Variants in C11orf65 observed in about 807,000 individuals in gnomAD.
C11orf65 encodes the protein chromosome 11 open reading frame 65.
In C11orf65, 38 loss-of-function variants were observed where a neutral mutation model predicts 35.3. The ratio of observed to expected loss-of-function variants is 1.08; its 90% CI spans 0.83 to 1.41. The LOEUF (loss-of-function observed/expected upper bound fraction) is 1.41, where lower values mean the gene tolerates loss of function less well. Among genes scored for constraint, C11orf65 ranks in the 40% most tolerant of loss-of-function variants. C11orf65 has a pLI of 0.00. For missense variants in C11orf65, 370 were observed against 367.1 expected (o/e 1.01, Z -0.06); for synonymous variants, 105 against 114.4 (o/e 0.92, Z 0.53).
rs56887719 is a variant in C11orf65, at chr11:108,353,814, C to G, written c.227-18522G>C. 6.2e-7 allele frequency: 1 copy of G among 1,614,042 alleles called. No individual in the cohort carries two copies. Among genetic ancestry groups the G allele is most frequent in the Non-Finnish European group, 8.5e-7 (1 of 1,179,996 alleles). ...ATCCTTCCTACTCCTGAGACAGTTC[C>G]TTTTAGACTCACCAGAGATATTGTG... On this transcript the variant is annotated intron_variant, in intron 2 of 3. Transcript: ENST00000524755.
chr11:108,350,149 G>A (rs1314186980), intron 2 of C11orf65, among the ~76,000 whole-genome samples: 1 of 152,126 alleles, frequency 6.6e-6, no homozygotes, highest in East Asian at 1.9e-4. Flanking sequence ...CAGTTTAAGG[G>A]GCACTTTCAA....
chr11:108,387,029 C>G (rs1221093986), intron 7 of C11orf65, among the ~76,000 whole-genome samples: 2 of 150,474 alleles, frequency 1.3e-5, no homozygotes, highest in Non-Finnish European at 2.9e-5. Flanking sequence ...TTGCAGTGAA[C>G]TGAGATGGTG....
chr11:108,384,695 C>A (rs2091948624), intron 8 of C11orf65, among the ~76,000 whole-genome samples: 1 of 152,072 alleles, frequency 6.6e-6, no homozygotes, highest in Non-Finnish European at 1.5e-5. Context: ...ATTGCTTGAG[C>A]CTGGGAGGCA....
intron 2 of C11orf65, chr11:108,335,824 T>C: frequency 6.3e-7 from 1 of 1,585,950 alleles, no homozygotes. Flanking sequence ...ACTTGTTTAT[T>C]CATGCTTAAT....
chr11:108,346,023 G>C, intron 2 of C11orf65: 3 of 1,235,884 alleles, frequency 2.4e-6, no homozygotes, highest in South Asian at 2.5e-5. Flanking sequence ...TAGTGATGAT[G>C]TGGTTAGTAA....
At chr11:108,439,004 TAA>T (rs1053307457) in intron 2 of C11orf65, among the ~76,000 whole-genome samples, 1 of 144,622 alleles carries the variant, frequency 6.9e-6, no homozygotes. Context: ...AGACTCCATC[TAA>T]AAAAAAAAAA....
intron 3 of C11orf65, among the ~76,000 whole-genome samples, chr11:108,429,100 T>C (rs1451416330): frequency 1.3e-5 from 2 of 151,958 alleles, no homozygotes; most frequent in African/African-American, 2.4e-5. Flanking sequence ...TGAACTGTGA[T>C]CACACCACTA....
At chr11:108,425,582 G>A (rs1045492443) in intron 3 of C11orf65, among the ~76,000 whole-genome samples, 2 of 152,148 alleles carry the variant, frequency 1.3e-5, no homozygotes, top group African/African-American at 4.8e-5. Context: ...AGAGGAGCTG[G>A]TACCATTCCT....
chr11:108,353,763 T>G lies in C11orf65; in HGVS notation c.227-18471A>C, dbSNP rs1060501550. The G allele has an allele frequency of 4.4e-6, 7 of 1,595,582 alleles. No individual in the cohort carries two copies. Among genetic ancestry groups the G allele is most frequent in the Non-Finnish European group, 6.0e-6 (7 of 1,163,126 alleles). On this transcript the variant is annotated intron_variant, in intron 2 of 3. Coordinates refer to the C11orf65 transcript ENST00000524755. ...CCTAACTTCACTGTATTCTTTACTT[T>G]AGGTGTTGCTTTTGAACAGGGCAAA... is the stretch of plus-strand genomic sequence containing the variant.
chr11:108,331,610 T>G (rs1220106242), intron 3 of C11orf65: 2 of 1,417,876 alleles, frequency 1.4e-6, no homozygotes, highest in African/African-American at 2.9e-5. Flanking sequence ...CTATTATTAC[T>G]ATATATTATA....
In C11orf65 at chr11:108,375,095, T is replaced by C. The variant is rs1206350829; in HGVS notation, c.226+18113A>G. On this transcript the variant is annotated intron_variant, in intron 2 of 3. Transcript: ENST00000524755. ...ATTATCCAGGAGAACTTCCCCAATC[T>C]AGCAAGGCAGGCCAACGTTCAGGTT... is the stretch of plus-strand genomic sequence containing the variant. Among the ~76,000 whole-genome samples the C allele has an allele frequency of 3.3e-5, 5 of 152,092 alleles. No individual in the cohort carries two copies. The South Asian group carries it at 6.2e-4, about 19-fold the overall frequency.
At chr11:108,337,628 T>C (rs2086996109) in intron 2 of C11orf65, among the ~76,000 whole-genome samples, 1 of 152,226 alleles carries the variant, frequency 6.6e-6, no homozygotes, top group Non-Finnish European at 1.5e-5. Context: ...ACCAGTCTAC[T>C]TGTTCTACCA....
intron 7 of C11orf65, among the ~76,000 whole-genome samples, chr11:108,386,227 C>G (rs1396767027): frequency 6.6e-6 from 1 of 152,180 alleles, no homozygotes; most frequent in Non-Finnish European, 1.5e-5. Flanking sequence ...TCACCTCCCT[C>G]TAGCATGCCC....
intron 7 of C11orf65, among the ~76,000 whole-genome samples, chr11:108,387,062 A>T (rs1388275241): frequency 2.0e-5 from 3 of 151,262 alleles, no homozygotes; most frequent in Non-Finnish European, 2.9e-5. Flanking sequence ...AGCTTGGGTG[A>T]CAGAGCGAGA....
chr11:108,428,020 C>G (rs1565682974), intron 3 of C11orf65, among the ~76,000 whole-genome samples: 6 of 148,712 alleles, frequency 4.0e-5, no homozygotes, highest in Non-Finnish European at 1.5e-5. Context: ...TTAGTAGAGA[C>G]GGGTTTCACC....
chr11:108,444,198 G>A (rs1363183020), intron 2 of C11orf65, among the ~76,000 whole-genome samples: 4 of 152,072 alleles, frequency 2.6e-5, no homozygotes, highest in South Asian at 2.1e-4. Flanking sequence ...ACACCTCTAC[G>A]CAAATAAACT....
intron 6 of C11orf65, chr11:108,315,687 A>G (rs764834993): frequency 4.2e-6 from 3 of 710,468 alleles, no homozygotes; most frequent in Non-Finnish European, 7.3e-6. Context: ...GTATTTCAGA[A>G]TCATTACATT....
intron 2 of C11orf65, among the ~76,000 whole-genome samples, chr11:108,356,540 T>TAAA (rs374615780): frequency 4.1e-5 from 4 of 97,794 alleles, no homozygotes; most frequent in Non-Finnish European, 6.4e-5. Flanking sequence ...CTGTCTGTCT[T>TAAA]AAAAAAAAAA....
chr11:108,317,731 A>T (rs1176524673), intron 6 of C11orf65, among the ~76,000 whole-genome samples: 2 of 148,116 alleles, frequency 1.4e-5, no homozygotes, highest in Non-Finnish European at 3.0e-5. Flanking sequence ...TATATAAAAA[A>T]ATATATAGTA....
Sources: allele counts gnomAD v4.1 joint callset (sites outside exome capture counted in the v4.1 genomes callset), GRCh38; gene constraint gnomAD v4.1.1; transcripts MANE v1.5; gene names NCBI Gene and HGNC (gene_info 2026-07-23, HGNC 2026-07-21).